The following SGCZ variants were observed in gnomAD, a reference collection of about 807,000 sequenced individuals.
The protein encoded by SGCZ is zeta-sarcoglycan.
Under a neutral mutation model 41.3 loss-of-function variants are expected in SGCZ, and 40 were observed. The ratio of observed to expected loss-of-function variants is 0.97; its 90% CI spans 0.75 to 1.26. SGCZ has a LOEUF of 1.26. SGCZ is among the 50% of genes most tolerant of loss of function. The probability of loss-of-function intolerance (pLI) is 0.00; values close to 1 mark genes in which losing one functional copy is unlikely to be tolerated. For synonymous variants in SGCZ, 206 were observed against 137.5 expected (o/e 1.50, Z -3.49); for missense variants, 552 against 369.8 (o/e 1.49, Z -4.04).
intron 1 of SGCZ, among the ~76,000 whole-genome samples, chr8:14,631,112 G>C (rs574328776): frequency 6.6e-6 from 1 of 151,964 alleles, no homozygotes; most frequent in African/African-American, 2.4e-5. Flanking sequence ...TTCGTAATTA[G>C]TTCCCAACTC....
chr8:14,311,262 T>C (rs1801533063), intron 3 of SGCZ, among the ~76,000 whole-genome samples: 1 of 152,082 alleles, frequency 6.6e-6, no homozygotes, highest in African/African-American at 2.4e-5. Flanking sequence ...TTCCCAGGCC[T>C]GACTTCTAAA....
chr8:14,825,819 T>C (rs905629378), intron 1 of SGCZ, among the ~76,000 whole-genome samples: 2 of 152,234 alleles, frequency 1.3e-5, no homozygotes, highest in Non-Finnish European at 2.9e-5. Context: ...TTTCTGTGTC[T>C]GGCTTATTTC....
intron 1 of SGCZ, among the ~76,000 whole-genome samples, chr8:14,659,838 C>T (rs1410546010): frequency 6.6e-6 from 1 of 152,148 alleles, no homozygotes. Context: ...TGTACTATTT[C>T]AAGTCAGGAT....
rs192111968 is a variant in SGCZ at position 14,954,260 on chromosome 8, T to C, written c.39+283325A>G. 4.4e-3 allele frequency among the ~76,000 whole-genome samples: 666 copies of C among 152,238 alleles called. 5 individuals are homozygous for C. Among genetic ancestry groups the C allele is most frequent in the Admixed American group, 6.5e-3 (100 of 15,282 alleles). On this transcript the variant is annotated intron_variant, in intron 1 of 7. Transcript: ENST00000382080. ...AAGGTACAATACTACTAGGTATACA[T>C]GGTATGGAAAAGGTTTATAAGTACA...
intron 1 of SGCZ, among the ~76,000 whole-genome samples, chr8:14,718,321 T>C (rs1313834658): frequency 2.0e-5 from 3 of 151,912 alleles, no homozygotes. Context: ...AACTAAATTA[T>C]AGCCTGAAAC....
At chr8:14,576,451 A>C (rs905210158) in intron 1 of SGCZ, among the ~76,000 whole-genome samples, 1 of 152,206 alleles carries the variant, frequency 6.6e-6, no homozygotes, top group African/African-American at 2.4e-5. Flanking sequence ...AATATGTAGT[A>C]GTGGTAAGAG....
chr8:14,800,175 C>G (rs1395381948), intron 1 of SGCZ, among the ~76,000 whole-genome samples: 2 of 151,924 alleles, frequency 1.3e-5, no homozygotes, highest in African/African-American at 2.4e-5. Context: ...TCATGGCACA[C>G]TATAAATGTT....
At chr8:14,746,985 T>C (rs1478570478) in intron 1 of SGCZ, among the ~76,000 whole-genome samples, 1 of 152,214 alleles carries the variant, frequency 6.6e-6, no homozygotes, top group Non-Finnish European at 1.5e-5. Context: ...TACAGTTTAT[T>C]CTCTACAGGG....
intron 1 of SGCZ, among the ~76,000 whole-genome samples, chr8:15,215,865 T>A (rs1018383258): frequency 6.6e-6 from 1 of 152,182 alleles, no homozygotes; most frequent in Non-Finnish European, 1.5e-5. Flanking sequence ...AACAAAGATA[T>A]AATGTGATGA....
In SGCZ at chr8:15,229,072, A is replaced by G. The variant is rs1339977984; in HGVS notation, c.39+8513T>C. On this transcript the variant is annotated intron_variant, in intron 1 of 7. Coordinates refer to ENST00000382080, the MANE Select transcript of SGCZ (RefSeq NM_139167.4). ...CCAGGCGTGATGGCGGGTGCCTGTAATCCCAGCTATTCAGGAGGCTGAGGT... is the reference window on the plus strand; with the variant it reads ...CCAGGCGTGATGGCGGGTGCCTGTAGTCCCAGCTATTCAGGAGGCTGAGGT... 2.6e-5 allele frequency among the ~76,000 whole-genome samples: 4 copies of G among 152,140 alleles called. No individual in the cohort carries two copies. The East Asian group carries it at 7.7e-4, about 29-fold the overall frequency.
chr8:14,871,254 T>C (rs1804138659), intron 1 of SGCZ, among the ~76,000 whole-genome samples: 1 of 151,860 alleles, frequency 6.6e-6, no homozygotes, highest in Non-Finnish European at 1.5e-5. Context: ...GGAGAGAATG[T>C]GGAGAAACAG....
intron 1 of SGCZ, among the ~76,000 whole-genome samples, chr8:15,063,120 C>G (rs1290907324): frequency 1.3e-5 from 2 of 152,070 alleles, no homozygotes; most frequent in Non-Finnish European, 2.9e-5. Flanking sequence ...TTTTCTGGCT[C>G]AGCATTAATG....
chr8:14,499,739 C>G (rs1195044577), intron 2 of SGCZ, among the ~76,000 whole-genome samples: 2 of 151,916 alleles, frequency 1.3e-5, no homozygotes, highest in South Asian at 2.1e-4. Flanking sequence ...ATTTTCAACA[C>G]CTGTATCTTC....
At chr8:14,237,569 A>T (rs776710486) in intron 4 of SGCZ, 23 bp downstream of exon 4, 1 of 1,605,410 alleles carries the variant, frequency 6.2e-7, no homozygotes, top group Non-Finnish European at 8.5e-7. Context: ...CAGTAGGAGC[A>T]ATCTTTACCC....
At chr8:14,778,139 G>T (rs1372257967) in intron 1 of SGCZ, among the ~76,000 whole-genome samples, 1 of 151,940 alleles carries the variant, frequency 6.6e-6, no homozygotes, top group Admixed American at 6.6e-5. Context: ...GATTGTCCCG[G>T]CTAGTCTCAA....
At chr8:14,827,286 G>A (rs1802366414) in intron 1 of SGCZ, among the ~76,000 whole-genome samples, 1 of 147,984 alleles carries the variant, frequency 6.8e-6, no homozygotes, top group East Asian at 2.0e-4. Flanking sequence ...ACCCAGGCTG[G>A]AGGGCAGTGA....
intron 1 of SGCZ, among the ~76,000 whole-genome samples, chr8:14,949,879 G>A (rs1299082413): frequency 6.6e-6 from 1 of 152,056 alleles, no homozygotes; most frequent in Non-Finnish European, 1.5e-5. Context: ...AAGTATAAAA[G>A]AGTTTGGCAA....
chr8:15,191,813 C>G (rs1372859310), intron 1 of SGCZ, among the ~76,000 whole-genome samples: 2 of 151,952 alleles, frequency 1.3e-5, no homozygotes, highest in African/African-American at 4.8e-5. Context: ...TCAGTCCTAC[C>G]TATTTAATTA....
intron 2 of SGCZ, among the ~76,000 whole-genome samples, chr8:14,363,089 A>C (rs1367784530): frequency 6.6e-6 from 1 of 152,174 alleles, no homozygotes; most frequent in East Asian, 1.9e-4. Flanking sequence ...AGAGAATGTA[A>C]TAAAATATTC....
Sources: gnomAD v4.1 joint callset for allele counts (sites outside exome capture counted in the v4.1 genomes callset) on GRCh38, gnomAD v4.1.1 for gene constraint, MANE v1.5 for transcripts, NCBI Gene and HGNC (gene_info 2026-07-23, HGNC 2026-07-21) for gene names.